The following NEK7 variants were observed in gnomAD, a reference collection of about 807,000 sequenced individuals.
The protein encoded by NEK7 is NIMA related kinase 7.
NEK7 carries 18 observed loss-of-function variants against 44.6 expected under a neutral mutation model. That is an observed-to-expected ratio of 0.40 (90% CI 0.28 to 0.60). The LOEUF (loss-of-function observed/expected upper bound fraction) is 0.60. Ranked by LOEUF, NEK7 falls within the 20% of genes least tolerant of loss-of-function variation. The pLI, the probability that NEK7 is intolerant of heterozygous loss-of-function variation, is 0.38. For synonymous variants in NEK7, 130 were observed against 121.1 expected (o/e 1.07, Z -0.48); for missense variants, 256 against 366.5 (o/e 0.70, Z 2.46).
At chr1:198,189,862 A>G (rs963955766) in intron 1 of NEK7, among the ~76,000 whole-genome samples, 6 of 152,156 alleles carry the variant, frequency 3.9e-5, no homozygotes, top group African/African-American at 1.2e-4. Context: ...ATGTGAATAA[A>G]GAATTTGTGT....
intron 7 of NEK7, among the ~76,000 whole-genome samples, chr1:198,285,439 C>T (rs1654337902): frequency 6.6e-6 from 1 of 152,180 alleles, no homozygotes; most frequent in Non-Finnish European, 1.5e-5. Flanking sequence ...TTTTGTCACC[C>T]ACAGTGAGTT....
rs1653055817 is a variant in NEK7 at position 198,252,528 on chromosome 1, C to CTATATAGATATA, written c.58-506_58-505insGATATATATATA. On this transcript the variant is annotated intron_variant, in intron 2 of 9. Coordinates refer to ENST00000367385, the MANE Select transcript of NEK7 (RefSeq NM_133494.3). ...TTTTTAGGCTTTCCTATCTCACATACTATATATATATATATATATATATAT... is the reference window on the plus strand; with the variant it reads ...TTTTTAGGCTTTCCTATCTCACATACTATATAGATATATATATATATATATATATATATATAT... Among the ~76,000 whole-genome samples the CTATATAGATATA allele has an allele frequency of 6.1e-5, 2 of 32,694 alleles. 1 individual carries two copies. The highest frequency in any genetic ancestry group is 2.7e-3 in the South Asian group (2 of 750). 21.4% of individuals were successfully genotyped at this position (32,694 alleles called of 152,430 possible). A position where few individuals can be genotyped will look rare whatever the true frequency, so the allele number is the denominator to read the frequency against.
At chr1:198,227,477 T>A (rs1666260897) in intron 1 of NEK7, among the ~76,000 whole-genome samples, 1 of 152,170 alleles carries the variant, frequency 6.6e-6, no homozygotes, top group Non-Finnish European at 1.5e-5. Context: ...TAGTTTACAG[T>A]CCCACCAACA....
intron 5 of NEK7, among the ~76,000 whole-genome samples, chr1:198,270,743 G>A (rs1653811082): frequency 6.6e-6 from 1 of 151,924 alleles, no homozygotes; most frequent in Non-Finnish European, 1.5e-5. Flanking sequence ...TTTTTCATGT[G>A]TTTACAACTG....
At chr1:198,235,919 A>C (rs1666533420) in intron 2 of NEK7, among the ~76,000 whole-genome samples, 1 of 152,186 alleles carries the variant, frequency 6.6e-6, no homozygotes, top group South Asian at 2.1e-4. Context: ...ACAGTGTGGA[A>C]AGTATGAAAA....
At chr1:198,233,012 A>G (rs901068558) in intron 2 of NEK7, among the ~76,000 whole-genome samples, 4 of 152,032 alleles carry the variant, frequency 2.6e-5, no homozygotes, top group African/African-American at 9.7e-5. Flanking sequence ...CATGAAAACA[A>G]AAAGGCAGCT....
At chr1:198,310,935 C>A (rs1655163644) in intron 9 of NEK7, among the ~76,000 whole-genome samples, 1 of 148,956 alleles carries the variant, frequency 6.7e-6, no homozygotes, top group South Asian at 2.1e-4. Flanking sequence ...TTTTTTGGTT[C>A]CATATGAACT....
chr1:198,158,852 T>C (rs1664000913), intron 1 of NEK7, among the ~76,000 whole-genome samples: 1 of 152,120 alleles, frequency 6.6e-6, no homozygotes, highest in African/African-American at 2.4e-5. Context: ...CGGCATCCTC[T>C]ATTTGGTCTC....
intron 1 of NEK7, among the ~76,000 whole-genome samples, chr1:198,174,770 TG>T (rs1230498271): frequency 5.9e-5 from 9 of 151,390 alleles, no homozygotes; most frequent in African/African-American, 1.9e-4. Flanking sequence ...TTGTTTTTTT[TG>T]GGGGGGGACA....
chr1:198,293,877 A>G (rs1180170166), intron 8 of NEK7, among the ~76,000 whole-genome samples: 1 of 151,938 alleles, frequency 6.6e-6, no homozygotes, highest in African/African-American at 2.4e-5. Flanking sequence ...AATCATTTTC[A>G]TATCTCTGTG....
At chr1:198,255,151 A>T (rs1268546386) in intron 3 of NEK7, among the ~76,000 whole-genome samples, 1 of 152,170 alleles carries the variant, frequency 6.6e-6, no homozygotes, top group East Asian at 1.9e-4. Context: ...GGCTATAAAT[A>T]TGAGCCCAGA....
chr1:198,297,271 G>A (rs369279714), intron 9 of NEK7, 31 bp downstream of exon 9: 3 of 1,607,980 alleles, frequency 1.9e-6, no homozygotes, highest in Non-Finnish European at 2.5e-6. Flanking sequence ...ATGTTCTTCT[G>A]TTGTCCATTT....
chr1:198,307,398 A>C (rs1655048746), intron 9 of NEK7, among the ~76,000 whole-genome samples: 1 of 152,154 alleles, frequency 6.6e-6, no homozygotes, highest in Admixed American at 6.5e-5. Flanking sequence ...CAGGATAAAC[A>C]AATGTGCTCC....
chr1:198,199,629 T>A (rs536783508), intron 1 of NEK7, among the ~76,000 whole-genome samples: 30 of 152,324 alleles, frequency 2.0e-4, no homozygotes, highest in African/African-American at 7.0e-4. Context: ...GGCTATGTTA[T>A]TCAAATGTGG....
intron 1 of NEK7, among the ~76,000 whole-genome samples, chr1:198,163,754 C>T (rs1026182241): frequency 2.6e-5 from 4 of 151,986 alleles, no homozygotes; most frequent in Admixed American, 1.3e-4. Flanking sequence ...TTCTCATCAC[C>T]GTCTTTGTTG....
At chr1:198,256,257 C>T in intron 3 of NEK7, 1 of 1,426,948 alleles carries the variant, frequency 7.0e-7, no homozygotes, top group East Asian at 2.6e-5. Flanking sequence ...CTACTTTGTG[C>T]CACTCCATTT....
intron 5 of NEK7, among the ~76,000 whole-genome samples, chr1:198,270,761 T>C (rs1408072538): frequency 6.6e-6 from 1 of 152,246 alleles, no homozygotes; most frequent in East Asian, 1.9e-4. Context: ...CTGTATTTTG[T>C]ATTAATTTTT....
intron 5 of NEK7, among the ~76,000 whole-genome samples, chr1:198,271,905 T>TTATATATATATATATATA (rs34354855): frequency 7.5e-4 from 106 of 141,290 alleles, no homozygotes; most frequent in African/African-American, 2.6e-3. Flanking sequence ...AATTTATATT[T>TTATATATATATATATATA]TATATATATA....
In NEK7 at chr1:198,319,469, A is replaced by T. The variant is rs751670487; in HGVS notation, c.856A>T (p.Thr286Ser). 1.2e-6 allele frequency: 2 copies of T among 1,613,432 alleles called. No individual in the cohort carries two copies. The highest frequency in any genetic ancestry group is 1.7e-6 in the Non-Finnish European group (2 of 1,179,518). Residue 286 changes from threonine to serine, a missense_variant, in exon 10 of 10, where the codon ACC becomes TCC. By Grantham distance (58) the Thr-to-Ser change is moderately conservative (BLOSUM62 1). Coordinates refer to ENST00000367385, the MANE Select transcript of NEK7 (RefSeq NM_133494.3). ...AGATCCAGAGAAGCGACCAGACGTCACCTATGTTTATGACGTAGCAAAGAG... is the reference window on the plus strand; with the variant it reads ...AGATCCAGAGAAGCGACCAGACGTCTCCTATGTTTATGACGTAGCAAAGAG... ...NPDPEKRPDV[T>S]YVYDVAKRMH...
Sources: allele counts gnomAD v4.1 joint callset (sites outside exome capture counted in the v4.1 genomes callset), GRCh38; gene constraint gnomAD v4.1.1; transcripts MANE v1.5; gene names NCBI Gene and HGNC (gene_info 2026-07-23, HGNC 2026-07-21).